SLC26A4: variants seen among roughly 807,000 people sequenced by gnomAD.
SLC26A4 encodes the protein pendrin.
A neutral mutation model predicts 90.4 loss-of-function variants in SLC26A4; 93 were observed. The observed-to-expected ratio is 1.03, with a 90% CI of 0.87 to 1.22. SLC26A4 has a LOEUF of 1.22. Among genes scored for constraint, SLC26A4 ranks in the 50% most tolerant of loss-of-function variants. The pLI is 0.00. For missense variants in SLC26A4, 1,127 were observed against 946.2 expected, an observed-to-expected ratio of 1.19 and a Z score of -2.51; for synonymous variants, 393 against 354.6, an observed-to-expected ratio of 1.11 and a Z score of -1.22.
Position 107,715,529 on chromosome 7 carries a change from C to T in SLC26A4, c.*83C>T, listed in dbSNP as rs1265288988. 9.9e-7 allele frequency: 1 copy of T among 1,007,638 alleles called. No individual in the cohort carries two copies. Among genetic ancestry groups the T allele is most frequent in the East Asian group, 2.4e-5 (1 of 42,188 alleles). 62.4% of individuals were successfully genotyped at this position (1,007,638 alleles called of 1,614,324 possible). The stretch of plus-strand genomic sequence containing the variant: ...ATTGACTATTTCTTCAGACTCAAAA[C>T]ACTCATTCTTTTTTCTATTAAGCCA... On this transcript the variant is annotated 3_prime_UTR_variant, in exon 21 of 21. Transcript: ENST00000644269.
At chr7:107,666,410 C>T (rs1304043671) in intron 3 of SLC26A4, among the ~76,000 whole-genome samples, 2 of 151,998 alleles carry the variant, frequency 1.3e-5, no homozygotes, top group Admixed American at 6.6e-5. Flanking sequence ...TTTGTAGAGA[C>T]AAGGTTTCAC....
chr7:107,701,001 G>A, intron 15 of SLC26A4, 100 bp from the exon 16 acceptor site: 1 of 783,512 alleles, frequency 1.3e-6, no homozygotes, highest in Non-Finnish European at 2.3e-6. Context: ...GATAGCTCAA[G>A]GAATTATACC....
chr7:107,687,892 T>A (rs555723344), intron 8 of SLC26A4, among the ~76,000 whole-genome samples: 4 of 152,298 alleles, frequency 2.6e-5, no homozygotes, highest in East Asian at 3.9e-4. Flanking sequence ...GATCAGGGTT[T>A]CCAACATCCT....
chr7:107,701,742 T>G, intron 16 of SLC26A4, 85 bp from the exon 17 acceptor site: 2 of 902,126 alleles, frequency 2.2e-6, no homozygotes, highest in South Asian at 1.4e-5. Context: ...AGGAACAGTG[T>G]GTAGGTCTTT....
chr7:107,664,495 G>C (rs1790656422), intron 3 of SLC26A4, among the ~76,000 whole-genome samples: 1 of 151,902 alleles, frequency 6.6e-6, no homozygotes, highest in East Asian at 1.9e-4. Flanking sequence ...GTATCCCAAA[G>C]TACTGTGATT....
rs969765465 is a variant in SLC26A4 at position 107,701,090 on chromosome 7, T to G, written c.1708-11T>G. 1.3e-6 allele frequency: 2 copies of G among 1,554,668 alleles called. No homozygotes were observed. The highest frequency in any genetic ancestry group is 1.8e-6 in the Non-Finnish European group (2 of 1,125,968). On this transcript the variant is annotated splice_polypyrimidine_tract_variant and intron_variant, in intron 15 of 20. Coordinates refer to ENST00000644269, the MANE Select transcript of SLC26A4 (RefSeq NM_000441.2). ...CAGGCATTTTAAGTAACTTGACATTTATTTCCAAAGGTTGGATTTGATGCC... is the reference window on the plus strand; with the variant it reads ...CAGGCATTTTAAGTAACTTGACATTGATTTCCAAAGGTTGGATTTGATGCC...
rs541538556 is a variant in SLC26A4 at position 107,701,928 on chromosome 7, G to A, written c.1905G>A (p.Glu635=). 2.9e-5 allele frequency: 47 copies of A among 1,612,964 alleles called. No homozygotes were observed. In the East Asian group the frequency reaches 1.0e-3, roughly 34 times the overall value. The change falls in exon 17 of 21, where the codon GAG becomes GAA. Residue 635 remains glutamate (E), a synonymous_variant. Coordinates refer to ENST00000644269, the MANE Select transcript of SLC26A4 (RefSeq NM_000441.2). The part of the protein sequence containing the change: ...EELDIPTKEI[E]IQVDWNSELP... ...TTGATATCCCAACCAAGGAAATAGA[G>A]ATTCAAGTGGATTGGAACTCTGAGC... is the stretch of plus-strand genomic sequence containing the variant.
intron 9 of SLC26A4, 101 bp downstream of exon 9, chr7:107,689,301 C>A: frequency 8.1e-7 from 1 of 1,239,876 alleles, no homozygotes; most frequent in Non-Finnish European, 1.2e-6. Context: ...GGGTTGGATT[C>A]TTTCACCAGA....
intron 8 of SLC26A4, among the ~76,000 whole-genome samples, chr7:107,685,452 C>G (rs367893010): frequency 1.3e-5 from 2 of 152,126 alleles, no homozygotes; most frequent in South Asian, 2.1e-4. Flanking sequence ...TGATCTCCTC[C>G]CTGCTTCAAT....
chr7:107,683,295 G>C lies in SLC26A4; in HGVS notation c.859G>C (p.Glu287Gln), dbSNP rs1584317605. 2.5e-6 allele frequency: 4 copies of C among 1,613,592 alleles called. No homozygotes were observed. Among genetic ancestry groups the C allele is most frequent in the Non-Finnish European group, 2.5e-6 (3 of 1,179,718 alleles). ...LTIVVCMAVK[E>Q]LNDRFRHKIP... ...CATTGTCGTCTGTATGGCAGTTAAG[G>C]AATTAAATGATCGGTTTAGACACAA... Residue 287 changes from glutamate to glutamine, a missense_variant, in exon 7 of 21, where the codon GAA (glutamate) becomes CAA (glutamine). Physicochemically the swap from Glu to Gln is conservative, Grantham distance 29. Transcript: ENST00000644269.
chr7:107,699,749 C>T (rs553121828), intron 14 of SLC26A4, among the ~76,000 whole-genome samples: 1 of 151,942 alleles, frequency 6.6e-6, no homozygotes, highest in South Asian at 2.1e-4. Context: ...GCCAATGTGG[C>T]AAAACTCTGT....
At chr7:107,675,195 G>A (rs1187957376) in intron 6 of SLC26A4, 86 bp downstream of exon 6, 2 of 1,337,666 alleles carry the variant, frequency 1.5e-6, no homozygotes, top group Non-Finnish European at 2.1e-6. Context: ...GCCAGGCGTG[G>A]TGGCTCACAC....
In SLC26A4 at chr7:107,715,421, A is replaced by T; in HGVS notation, c.2320-2A>T. ...CACTTTGTTTTCCCCTTGCTTCCAC[A>T]GGCTATGCGTACACTTGCATCCTGA... On this transcript the variant is annotated splice_acceptor_variant, in intron 20 of 20. Transcript: ENST00000644269. LOFTEE classifies it high-confidence loss of function. 2 of 1,613,092 alleles carry T rather than the reference A, an allele frequency of 1.2e-6. No homozygotes were observed. The highest frequency in any genetic ancestry group is 1.7e-6 in the Non-Finnish European group (2 of 1,179,054).
chr7:107,689,367 G>C (rs573575810), intron 9 of SLC26A4, among the ~76,000 whole-genome samples, 167 bp downstream of exon 9: 68 of 152,274 alleles, frequency 4.5e-4, no homozygotes, highest in African/African-American at 1.6e-3. Flanking sequence ...TTTTGGAATA[G>C]ACACACTGCA....
In SLC26A4 at chr7:107,715,757, T is replaced by C. The variant is rs756142371; in HGVS notation, c.*311T>C. 30 of 446,528 alleles carry C rather than the reference T, an allele frequency of 6.7e-5. No individual in the cohort carries two copies. The highest frequency in any genetic ancestry group is 1.4e-4 in the Admixed American group (4 of 28,878). 27.7% of individuals were successfully genotyped at this position (446,528 alleles called of 1,614,324 possible). A position where few individuals can be genotyped will look rare whatever the true frequency, so the allele number is the denominator to read the frequency against. ...CTGGCATATCTCTGTTCAGTTAGAG[T>C]GAGTGCTGACCCAACAGCCTCTGTG... On this transcript the variant is annotated 3_prime_UTR_variant, in exon 21 of 21. Coordinates refer to ENST00000644269, the MANE Select transcript of SLC26A4 (RefSeq NM_000441.2).
chr7:107,661,514 C>A lies in SLC26A4; in HGVS notation c.-3-125C>A. On this transcript the variant is annotated intron_variant, in intron 1 of 20. Coordinates refer to ENST00000644269, the MANE Select transcript of SLC26A4 (RefSeq NM_000441.2). This position sits in a 1 kb window ranked among gnomAD's most constrained non-coding sequence, Gnocchi z 5.1. The stretch of plus-strand genomic sequence containing the variant: ...CGAGGGCTGCAGGACGCGGACCAGA[C>A]TCGCGGTGCAGGGGGGCCTGGCTGC... 2 of 1,113,036 alleles carry A rather than the reference C, an allele frequency of 1.8e-6. No individual in the cohort carries two copies. Among genetic ancestry groups the A allele is most frequent in the Non-Finnish European group, 2.6e-6 (2 of 769,586 alleles). The allele number at this position is 1,113,036 out of a possible 1,614,324, so 68.9% of individuals were successfully genotyped here.
chr7:107,693,348 C>G, intron 10 of SLC26A4: 1 of 985,304 alleles, frequency 1.0e-6, no homozygotes, highest in Non-Finnish European at 1.2e-6. Flanking sequence ...CTCAGGCTGA[C>G]CCAACTATAA....
At chr7:107,673,558 A>G (rs1257037831) in intron 4 of SLC26A4, among the ~76,000 whole-genome samples, 1 of 151,906 alleles carries the variant, frequency 6.6e-6, no homozygotes, top group East Asian at 1.9e-4. Flanking sequence ...TTTCCTGACA[A>G]CTCTCATCCC....
chr7:107,677,953 A>C (rs1584311016), intron 6 of SLC26A4, among the ~76,000 whole-genome samples: 1 of 152,154 alleles, frequency 6.6e-6, no homozygotes, highest in East Asian at 1.9e-4. Context: ...TTAAGATTTT[A>C]TTTTGGTAGA....
Sources: gnomAD v4.1 joint callset for allele counts (sites outside exome capture counted in the v4.1 genomes callset) on GRCh38, gnomAD v4.1.1 for gene constraint, Gnocchi (gnomAD v3.1) non-coding constraint, MANE v1.5 for transcripts, NCBI Gene and HGNC (gene_info 2026-07-23, HGNC 2026-07-21) for gene names.